The following NPAS3 variants were observed in gnomAD, a reference collection of about 807,000 sequenced individuals.
NPAS3 encodes the protein neuronal PAS domain-containing protein 3.
NPAS3 carries 14 observed loss-of-function variants against 73.1 expected under a neutral mutation model. The ratio of observed to expected loss-of-function variants is 0.19; its 90% CI spans 0.13 to 0.30. The LOEUF (loss-of-function observed/expected upper bound fraction) is 0.30. NPAS3 is among the 10% of genes least tolerant of loss of function. NPAS3 has a pLI of 1.00. For missense variants in NPAS3, 1,096 were observed against 1,250.0 expected (o/e 0.88, Z 1.86); for synonymous variants, 620 against 541.5 (o/e 1.14, Z -2.01).
At chr14:33,130,024 A>G (rs985350039) in intron 2 of NPAS3, among the ~76,000 whole-genome samples, 3 of 151,994 alleles carry the variant, frequency 2.0e-5, no homozygotes, top group Admixed American at 6.6e-5. Flanking sequence ...TTAGGATGTT[A>G]TTTTTTCCCT....
At chr14:32,974,542 G>A (rs1397743201) in intron 1 of NPAS3, among the ~76,000 whole-genome samples, 2 of 152,188 alleles carry the variant, frequency 1.3e-5, no homozygotes, top group Non-Finnish European at 2.9e-5. Context: ...CTTAAACAAA[G>A]ATTAGTTATT....
At chr14:33,009,777 C>T (rs972251040) in intron 1 of NPAS3, among the ~76,000 whole-genome samples, 1 of 152,116 alleles carries the variant, frequency 6.6e-6, no homozygotes, top group East Asian at 1.9e-4. Flanking sequence ...GAACATGTGG[C>T]TGGTGAGTGC....
intron 5 of NPAS3, among the ~76,000 whole-genome samples, chr14:33,599,048 G>A (rs2057325945): frequency 6.6e-6 from 1 of 152,162 alleles, no homozygotes. Flanking sequence ...ACTTATTGCA[G>A]TCTCTTATTA....
At chr14:33,524,873 G>A (rs1189368536) in intron 4 of NPAS3, among the ~76,000 whole-genome samples, 2 of 152,094 alleles carry the variant, frequency 1.3e-5, no homozygotes, top group African/African-American at 4.8e-5. Flanking sequence ...CACCGTGTGT[G>A]TCCAAATGTC....
upstream of NPAS3, among the ~76,000 whole-genome samples, chr14:32,937,473 C>T (rs1225124550): frequency 1.3e-5 from 2 of 152,064 alleles, no homozygotes; most frequent in African/African-American, 2.4e-5. Flanking sequence ...GAACTGGCAA[C>T]TTTTTCCCTT....
At chr14:33,690,175 G>C (rs761264517) in intron 6 of NPAS3, among the ~76,000 whole-genome samples, 6 of 152,122 alleles carry the variant, frequency 3.9e-5, no homozygotes, top group Non-Finnish European at 1.5e-5. Context: ...TTCGTGCGGC[G>C]TTCCGGTCTG....
chr14:33,655,141 G>A (rs1457000029), intron 5 of NPAS3, among the ~76,000 whole-genome samples: 1 of 152,098 alleles, frequency 6.6e-6, no homozygotes, highest in Non-Finnish European at 1.5e-5. Context: ...TGAACCTGGA[G>A]GGAATAATAC....
chr14:33,398,193 CAG>C (rs1020100353), intron 4 of NPAS3, among the ~76,000 whole-genome samples: 2 of 152,042 alleles, frequency 1.3e-5, no homozygotes, highest in Non-Finnish European at 2.9e-5. Flanking sequence ...CTGCTTGGAG[CAG>C]AGTCTAATTT....
intron 4 of NPAS3, among the ~76,000 whole-genome samples, chr14:33,444,696 T>G (rs1015462209): frequency 2.6e-5 from 4 of 152,350 alleles, no homozygotes; most frequent in Non-Finnish European, 5.9e-5. Flanking sequence ...AACCCTGAGA[T>G]CACATGATTT....
At chr14:33,631,203 A>G (rs929132115) in intron 5 of NPAS3, among the ~76,000 whole-genome samples, 2 of 152,216 alleles carry the variant, frequency 1.3e-5, no homozygotes, top group African/African-American at 4.8e-5. Flanking sequence ...CAAACTAATG[A>G]TCTCCACTGC....
At chr14:33,209,543 G>A (rs1306279536) in intron 2 of NPAS3, among the ~76,000 whole-genome samples, 1 of 152,164 alleles carries the variant, frequency 6.6e-6, no homozygotes, top group Non-Finnish European at 1.5e-5. Flanking sequence ...GTGTTCAAAG[G>A]TTCATGAGTT....
At chr14:33,353,920 T>A (rs1393749535) in intron 3 of NPAS3, among the ~76,000 whole-genome samples, 1 of 152,210 alleles carries the variant, frequency 6.6e-6, no homozygotes, top group East Asian at 1.9e-4. Context: ...TAGATCATTA[T>A]GTTGTTTAAA....
intron 1 of NPAS3, among the ~76,000 whole-genome samples, chr14:33,039,891 A>G (rs1280521964): frequency 6.6e-6 from 1 of 152,156 alleles, no homozygotes; most frequent in Admixed American, 6.5e-5. Context: ...AAGAGACACA[A>G]GGTATATTTG....
rs141418072 is a variant in NPAS3, at chr14:32,963,845, A to G, written c.50+24479A>G. ...ATATGATAATTGCATGGCATGAATGATCCTGATCCTCAGTATTAGGACTTT... is the reference window on the plus strand; with the variant it reads ...ATATGATAATTGCATGGCATGAATGGTCCTGATCCTCAGTATTAGGACTTT... On this transcript the variant is annotated intron_variant, in intron 1 of 11. Transcript: ENST00000356141. Among the ~76,000 whole-genome samples, 1,029 of 152,224 alleles carry G rather than the reference A, an allele frequency of 6.8e-3. 11 individuals are homozygous for G. The highest frequency in any genetic ancestry group is 0.024 in the African/African-American group (988 of 41,522).
chr14:33,137,381 C>T (rs2043879496), intron 2 of NPAS3, among the ~76,000 whole-genome samples: 1 of 152,104 alleles, frequency 6.6e-6, no homozygotes, highest in Non-Finnish European at 1.5e-5. Context: ...TACATGGCAT[C>T]TTATTACTAA....
chr14:33,054,998 A>T (rs988731990), intron 1 of NPAS3, among the ~76,000 whole-genome samples: 2 of 152,172 alleles, frequency 1.3e-5, no homozygotes, highest in African/African-American at 4.8e-5. Context: ...TGGCTTAGGG[A>T]TTAGACATTA....
At chr14:33,352,533 T>C (rs2045118499) in intron 3 of NPAS3, among the ~76,000 whole-genome samples, 1 of 152,214 alleles carries the variant, frequency 6.6e-6, no homozygotes, top group Admixed American at 6.5e-5. Flanking sequence ...GAAACTAAGA[T>C]CTGGATGTCA....
chr14:33,104,126 T>C (rs965238467), intron 2 of NPAS3, among the ~76,000 whole-genome samples: 11 of 152,178 alleles, frequency 7.2e-5, no homozygotes, highest in Non-Finnish European at 1.5e-4. Flanking sequence ...CTCACTATAA[T>C]GTAGACTATT....
chr14:33,055,405 C>T (rs1422297768), intron 1 of NPAS3, among the ~76,000 whole-genome samples: 2 of 152,232 alleles, frequency 1.3e-5, no homozygotes, highest in East Asian at 1.9e-4. Flanking sequence ...TAAGCTGAAT[C>T]GCATTCCTTT....
Sources: allele counts gnomAD v4.1 joint callset (sites outside exome capture counted in the v4.1 genomes callset), GRCh38; gene constraint gnomAD v4.1.1; transcripts MANE v1.5; gene names NCBI Gene and HGNC (gene_info 2026-07-23, HGNC 2026-07-21).